TOX3: variants seen among roughly 807,000 people sequenced by gnomAD.
TOX3 encodes the protein CAG trinucleotide repeat-containing gene F9 protein.
Under a neutral mutation model 64.3 loss-of-function variants are expected in TOX3, and 22 were observed. That is an observed-to-expected ratio of 0.34 (90% CI 0.24 to 0.49). TOX3 has a LOEUF of 0.49. Ranked by LOEUF, TOX3 falls within the 20% of genes least tolerant of loss-of-function variation. The pLI, the probability that TOX3 is intolerant of heterozygous loss-of-function variation, is 0.99. For synonymous variants in TOX3, 291 were observed against 273.6 expected, an observed-to-expected ratio of 1.06 and a Z score of -0.63; for missense variants, 661 against 714.4, an observed-to-expected ratio of 0.93 and a Z score of 0.85.
intron 1 of TOX3, among the ~76,000 whole-genome samples, chr16:52,485,998 A>C (rs1447038820): frequency 6.6e-6 from 1 of 152,200 alleles, no homozygotes; most frequent in African/African-American, 2.4e-5. Context: ...CAGTGGGCCA[A>C]AGCACGGGTG....
intron 1 of TOX3, among the ~76,000 whole-genome samples, chr16:52,485,971 C>A (rs890987946): frequency 6.6e-6 from 1 of 152,186 alleles, no homozygotes; most frequent in African/African-American, 2.4e-5. Flanking sequence ...GGAAGCTGAA[C>A]AGAATCAGTC....
At chr16:52,508,282 G>A (rs1412725751) in intron 1 of TOX3, among the ~76,000 whole-genome samples, 2 of 152,194 alleles carry the variant, frequency 1.3e-5, no homozygotes, top group Non-Finnish European at 2.9e-5. Context: ...CAAGTCAAGA[G>A]CATTCCCTAA....
chr16:52,440,748 C>CTTTTTTTTTTTTTTTTTTTTTTTTT lies in TOX3; in HGVS notation c.988-781_988-780insAAAAAAAAAAAAAAAAAAAAAAAAA, dbSNP rs1425662404. ...ATTGGGTTATATGGTATTTTTCTTT[C>CTTTTTTTTTTTTTTTTTTTTTTTTT]TTTCTTTTTTTTTTTTTTTTTTTTT... On this transcript the variant is annotated intron_variant, in intron 6 of 6. Coordinates refer to ENST00000219746, the MANE Select transcript of TOX3 (RefSeq NM_001080430.4). Among the ~76,000 whole-genome samples the CTTTTTTTTTTTTTTTTTTTTTTTTT allele has an allele frequency of 2.2e-5, 2 of 89,456 alleles. 1 individual carries two copies. 58.7% of individuals were successfully genotyped at this position (89,456 alleles called of 152,430 possible). A position where few individuals can be genotyped will look rare whatever the true frequency, so the allele number is the denominator to read the frequency against.
chr16:52,479,224 A>C (rs749219504), intron 1 of TOX3, among the ~76,000 whole-genome samples: 88 of 152,174 alleles, frequency 5.8e-4, no homozygotes, highest in Admixed American at 9.8e-4. Flanking sequence ...TTGGTAGATA[A>C]AACTACTTGG....
intron 4 of TOX3, 42 bp downstream of exon 4, chr16:52,450,235 A>T: frequency 6.2e-7 from 1 of 1,610,402 alleles, no homozygotes; most frequent in Non-Finnish European, 8.5e-7. Context: ...GGGTAATCCC[A>T]TATTCTCTGG....
intron 1 of TOX3, among the ~76,000 whole-genome samples, chr16:52,479,237 A>G (rs2151447626): frequency 6.6e-6 from 1 of 152,322 alleles, no homozygotes; most frequent in East Asian, 1.9e-4. Context: ...CTACTTGGGC[A>G]AAGGCCTACC....
chr16:52,470,926 A>G (rs1256365145), intron 1 of TOX3, among the ~76,000 whole-genome samples: 2 of 152,220 alleles, frequency 1.3e-5, no homozygotes, highest in African/African-American at 4.8e-5. Context: ...TTCAAATAGA[A>G]CTAAAGGTTT....
chr16:52,463,500 G>A (rs1397311312), intron 3 of TOX3, among the ~76,000 whole-genome samples: 1 of 152,066 alleles, frequency 6.6e-6, no homozygotes, highest in Non-Finnish European at 1.5e-5. Flanking sequence ...TCTCAGTTTG[G>A]TATTTCATTT....
At chr16:52,493,873 A>G (rs1429170636) in intron 1 of TOX3, among the ~76,000 whole-genome samples, 1 of 152,144 alleles carries the variant, frequency 6.6e-6, no homozygotes, top group Non-Finnish European at 1.5e-5. Context: ...CTTATATTCA[A>G]TGTCAATACT....
chr16:52,501,481 G>A (rs1377502161), intron 1 of TOX3, among the ~76,000 whole-genome samples: 1 of 152,102 alleles, frequency 6.6e-6, no homozygotes, highest in Non-Finnish European at 1.5e-5. Flanking sequence ...AGACCAGCCT[G>A]GCCAACATGG....
At position 52,436,768 on chromosome 16, in the gene TOX3, C is replaced by T. The variant is rs1450448165; in HGVS notation, c.*2457G>A. 1 of 152,142 alleles carries T rather than the reference C, an allele frequency of 6.6e-6. No homozygotes were observed. Among genetic ancestry groups the T allele is most frequent in the Non-Finnish European group, 1.5e-5 (1 of 68,030 alleles). The allele number at this position is 152,142 out of a possible 1,614,324, so 9.4% of individuals were successfully genotyped here. On this transcript the variant is annotated 3_prime_UTR_variant, in exon 7 of 7. Transcript: ENST00000219746. ...TTATAAAATCATTTAATAGATGTTA[C>T]AACACCTGCTTCTAACTGCAAACAG... is the stretch of plus-strand genomic sequence containing the variant.
At chr16:52,539,423 A>G (rs1007968788) in intron 1 of TOX3, among the ~76,000 whole-genome samples, 2 of 152,242 alleles carry the variant, frequency 1.3e-5, no homozygotes, top group African/African-American at 4.8e-5. Flanking sequence ...TCATGCAAAC[A>G]CACACATAAG....
intron 1 of TOX3, among the ~76,000 whole-genome samples, chr16:52,507,296 C>T (rs1440868622): frequency 6.6e-6 from 1 of 152,178 alleles, no homozygotes; most frequent in Non-Finnish European, 1.5e-5. Flanking sequence ...GGTAGTGGCT[C>T]ATGCCTGTAA....
chr16:52,489,912 A>G (rs1181335554), intron 1 of TOX3, among the ~76,000 whole-genome samples: 1 of 152,056 alleles, frequency 6.6e-6, no homozygotes, highest in Non-Finnish European at 1.5e-5. Context: ...ATATCTTTCT[A>G]ATGGTACCAG....
intron 3 of TOX3, among the ~76,000 whole-genome samples, chr16:52,453,755 A>G (rs1960431703): frequency 6.6e-6 from 1 of 151,962 alleles, no homozygotes; most frequent in Non-Finnish European, 1.5e-5. Context: ...AGCATTTTTC[A>G]GATGGCTATC....
intron 1 of TOX3, among the ~76,000 whole-genome samples, chr16:52,474,929 A>G (rs965116676): frequency 6.6e-6 from 1 of 151,764 alleles, no homozygotes; most frequent in Admixed American, 6.6e-5. Context: ...CTGGCTTCCT[A>G]TTGTTCCTTC....
Position 52,464,001 on chromosome 16 carries a change from G to A in TOX3, c.341C>T (p.Pro114Leu). The A allele has an allele frequency of 6.3e-7, 1 of 1,598,488 alleles. No homozygotes were observed. Among genetic ancestry groups the A allele is most frequent in the Non-Finnish European group, 8.5e-7 (1 of 1,172,368 alleles). Residue 114 changes from proline to leucine, a missense_variant, in exon 3 of 7, where the codon CCT becomes CTT. By Grantham distance (98) the Pro-to-Leu change is moderately conservative. Coordinates refer to ENST00000219746, the MANE Select transcript of TOX3 (RefSeq NM_001080430.4). ...PQFPPQSLDLPSITISRNLVE... is the reference protein window; with the variant it reads ...PQFPPQSLDLLSITISRNLVE... ...GAGATTTCTTGAGATTGTAATGGAA[G>A]GGAGGTCCAGGCTTTGAGGGGGAAA... is the stretch of plus-strand genomic sequence containing the variant.
chr16:52,452,204 G>A (rs1201327758), intron 3 of TOX3, among the ~76,000 whole-genome samples: 1 of 152,172 alleles, frequency 6.6e-6, no homozygotes, highest in Non-Finnish European at 1.5e-5. Context: ...ATTATAAGGG[G>A]TAGAATGGGA....
In TOX3 at chr16:52,546,731, C is replaced by T. The variant is rs1472926799; in HGVS notation, c.-8G>A. 4 of 1,510,192 alleles carry T rather than the reference C, an allele frequency of 2.6e-6. No individual in the cohort carries two copies. The highest frequency in any genetic ancestry group is 2.6e-6 in the Non-Finnish European group (3 of 1,134,198). 93.5% of individuals were successfully genotyped at this position (1,510,192 alleles called of 1,614,324 possible). On this transcript the variant is annotated 5_prime_UTR_variant, in exon 1 of 7. Transcript: ENST00000219746. ...GTAGAACCTCACATCCATGCCGAAG[C>T]TGGGCCCGGGGCCGGGGGCCGGGAC...
Sources: gnomAD v4.1 joint callset for allele counts (sites outside exome capture counted in the v4.1 genomes callset) on GRCh38, gnomAD v4.1.1 for gene constraint, MANE v1.5 for transcripts, NCBI Gene and HGNC (gene_info 2026-07-23, HGNC 2026-07-21) for gene names.